CASK: variants seen among roughly 807,000 people sequenced by gnomAD.
CASK encodes peripheral plasma membrane protein CASK.
Under a neutral mutation model 82.9 loss-of-function variants are expected in CASK, and 4 were observed. The observed-to-expected ratio is 0.05, with a 90% CI of 0.02 to 0.11. The LOEUF (loss-of-function observed/expected upper bound fraction) is 0.11. CASK is among the 10% of genes least tolerant of loss of function. The probability of loss-of-function intolerance (pLI) is 1.00; values close to 1 mark genes in which losing one functional copy is unlikely to be tolerated. For missense variants in CASK, 358 were observed against 720.9 expected, an observed-to-expected ratio of 0.50 and a Z score of 5.76; for synonymous variants, 259 against 253.5, an observed-to-expected ratio of 1.02 and a Z score of -0.20.
chrX:41,522,076 G>A (rs1439002734), intron 26 of CASK: 2 of 111,780 alleles, frequency 1.8e-5, no homozygotes, highest in African/African-American at 6.5e-5. Flanking sequence ...GGACCTAGGA[G>A]CCGTAGTACC....
At chrX:41,596,119 C>G (rs747033573) in intron 12 of CASK, among the ~76,000 whole-genome samples, 2 of 104,614 alleles carry the variant, frequency 1.9e-5, no homozygotes, top group African/African-American at 3.5e-5. Context: ...CGCTTGAACC[C>G]GAGAGGTGGA....
At chrX:41,570,170 T>C (rs2065392523) in intron 15 of CASK, among the ~76,000 whole-genome samples, 2 of 108,753 alleles carry the variant, frequency 1.8e-5, no homozygotes, top group Non-Finnish European at 3.8e-5. Context: ...GCCAAGCTAA[T>C]TTTTGTATTT....
At chrX:41,840,197 G>A (rs772277446) in intron 2 of CASK, among the ~76,000 whole-genome samples, 1 of 112,024 alleles carries the variant, frequency 8.9e-6, no homozygotes, top group African/African-American at 3.2e-5. Flanking sequence ...ACAACATTGA[G>A]TCTTCTTATC....
chrX:41,530,245 A>G (rs1221280971), intron 25 of CASK, among the ~76,000 whole-genome samples: 1 of 111,452 alleles, frequency 9.0e-6, no homozygotes, highest in Non-Finnish European at 1.9e-5. Context: ...TGCCTCCCAT[A>G]TCTACTTGGT....
At chrX:41,587,084 G>T in intron 13 of CASK, 97 bp from the exon 14 acceptor site, 1 of 529,181 alleles carries the variant, frequency 1.9e-6, no homozygotes, top group Non-Finnish European at 3.1e-6. Context: ...GGATTTTTAT[G>T]GCAGGCAAAA....
At chrX:41,862,340 A>G (rs923569004) in intron 1 of CASK, among the ~76,000 whole-genome samples, 3 of 110,047 alleles carry the variant, frequency 2.7e-5, no homozygotes, top group African/African-American at 6.6e-5. Context: ...CAGGAGTTCG[A>G]GACCAGCCTG....
At chrX:41,893,400 G>T (rs1477614268) in intron 1 of CASK, among the ~76,000 whole-genome samples, 1 of 112,209 alleles carries the variant, frequency 8.9e-6, no homozygotes, top group Non-Finnish European at 1.9e-5. Flanking sequence ...AGGTAAGCAA[G>T]ACACTAGCCA....
chrX:41,721,021 C>T (rs1277022414), intron 5 of CASK, among the ~76,000 whole-genome samples: 4 of 111,738 alleles, frequency 3.6e-5, no homozygotes, highest in Non-Finnish European at 7.5e-5. Flanking sequence ...ACTCTAACAC[C>T]TCAAGGAAGT....
chrX:41,850,299 CTCT>C (rs887347738), intron 2 of CASK, among the ~76,000 whole-genome samples: 3 of 111,993 alleles, frequency 2.7e-5, no homozygotes, highest in African/African-American at 9.7e-5. Context: ...AGGCTAGGGG[CTCT>C]TTTTATTTAT....
chrX:41,655,829 T>C (rs5963266), intron 8 of CASK, among the ~76,000 whole-genome samples: 2,835 of 111,821 alleles, frequency 0.025, 93 homozygotes, highest in African/African-American at 0.087. Flanking sequence ...AGCTTGGCAG[T>C]TGAATTGCAT....
chrX:41,719,538 C>T (rs2068125219), intron 5 of CASK, among the ~76,000 whole-genome samples: 1 of 112,077 alleles, frequency 8.9e-6, no homozygotes, highest in Non-Finnish European at 1.9e-5. Flanking sequence ...AAAGAAATAC[C>T]ACTTGAACAT....
chrX:41,683,742 A>C (rs1315927155), intron 5 of CASK, among the ~76,000 whole-genome samples: 1 of 112,008 alleles, frequency 8.9e-6, no homozygotes, highest in Non-Finnish European at 1.9e-5. Flanking sequence ...CATGTTGTTC[A>C]AGGGTCAACT....
intron 3 of CASK, among the ~76,000 whole-genome samples, chrX:41,784,303 G>GA (rs2069539137): frequency 9.0e-6 from 1 of 111,306 alleles, no homozygotes. Context: ...GAGAGTTTGA[G>GA]AAAAAAAGGG....
At chrX:41,919,519 C>T (rs1402482301) in intron 1 of CASK, among the ~76,000 whole-genome samples, 2 of 112,047 alleles carry the variant, frequency 1.8e-5, no homozygotes, top group African/African-American at 6.5e-5. Flanking sequence ...GTAGTATTAC[C>T]GGTTGTACAC....
At chrX:41,687,482 T>C (rs1050539399) in intron 5 of CASK, among the ~76,000 whole-genome samples, 1 of 112,007 alleles carries the variant, frequency 8.9e-6, no homozygotes, top group Non-Finnish European at 1.9e-5. Context: ...ATTCCACTCA[T>C]ATGAAGTGTC....
At chrX:41,622,930 G>T (rs184042869) in intron 10 of CASK, among the ~76,000 whole-genome samples, 1 of 105,992 alleles carries the variant, frequency 9.4e-6, no homozygotes, top group African/African-American at 3.5e-5. Flanking sequence ...ACCCAGGCTG[G>T]AGTACAGTGG....
At chrX:41,657,438 G>T (rs768079097) in intron 8 of CASK, among the ~76,000 whole-genome samples, 2 of 112,767 alleles carry the variant, frequency 1.8e-5, no homozygotes, top group South Asian at 7.3e-4. Flanking sequence ...ACATTATGAT[G>T]ATGGACTGAA....
chrX:41,591,290 C>A (rs1352104018), intron 12 of CASK, among the ~76,000 whole-genome samples: 1 of 109,844 alleles, frequency 9.1e-6, no homozygotes, highest in Admixed American at 9.8e-5. Flanking sequence ...GCACTGCATG[C>A]ATGCAATAAA....
At chrX:41,816,663 G>A (rs1245732284) in intron 2 of CASK, among the ~76,000 whole-genome samples, 2 of 109,576 alleles carry the variant, frequency 1.8e-5, no homozygotes, top group African/African-American at 6.6e-5. Flanking sequence ...ATAATGTTAA[G>A]GATAAAGAAA....
Sources: gnomAD v4.1 joint callset for allele counts (sites outside exome capture counted in the v4.1 genomes callset) on GRCh38, gnomAD v4.1.1 for gene constraint, MANE v1.5 for transcripts, NCBI Gene and HGNC (gene_info 2026-07-23, HGNC 2026-07-21) for gene names.